The following CCL17 variants were observed in gnomAD, a reference collection of about 807,000 sequenced individuals.
CCL17 encodes the protein C-C motif chemokine ligand 17, also known as C-C motif chemokine 17.
In CCL17, 8 loss-of-function variants were observed where a neutral mutation model predicts 7.4. That is an observed-to-expected ratio of 1.09 (90% CI 0.64 to 1.96). The LOEUF (loss-of-function observed/expected upper bound fraction) is 1.96. Ranked by LOEUF, CCL17 falls within the 30% of genes most tolerant of loss-of-function variation. CCL17 has a pLI of 0.00. For synonymous variants in CCL17, 40 were observed against 46.1 expected, an observed-to-expected ratio of 0.87 and a Z score of 0.54; for missense variants, 102 against 113.0, an observed-to-expected ratio of 0.90 and a Z score of 0.44.
chr16:57,401,515 CTCTG>C (rs576006734), upstream of CCL17, among the ~76,000 whole-genome samples: 116 of 147,648 alleles, frequency 7.9e-4, no homozygotes, highest in Middle Eastern at 3.5e-3. Context: ...CAGAGCAAGA[CTCTG>C]TCTGGAAAAA....
upstream of CCL17, among the ~76,000 whole-genome samples, chr16:57,400,968 CAA>C (rs142873627): frequency 9.7e-5 from 13 of 133,784 alleles, no homozygotes; most frequent in Admixed American, 1.5e-4. Flanking sequence ...GACCCCATCT[CAA>C]AAAAAAAAAA....
At chr16:57,409,679 G>T (rs1902753934) in intron 1 of CCL17, among the ~76,000 whole-genome samples, 1 of 152,170 alleles carries the variant, frequency 6.6e-6, no homozygotes, top group Non-Finnish European at 1.5e-5. Context: ...GACTGGATGT[G>T]GGCAGTGAGG....
At chr16:57,399,132 A>G in the CCL17 span, among the ~76,000 whole-genome samples, 1 of 152,314 alleles carries the variant, frequency 6.6e-6, no homozygotes, top group South Asian at 2.1e-4. Flanking sequence ...TGAGTCTAAG[A>G]TCTTGCATCA....
intron 1 of CCL17, among the ~76,000 whole-genome samples, chr16:57,409,073 A>G (rs2146536864): frequency 6.6e-6 from 1 of 152,340 alleles, no homozygotes; most frequent in South Asian, 2.1e-4. Flanking sequence ...GTTGGAACAC[A>G]AAAGAGATCC....
At chr16:57,412,399 T>C (rs955514058) in intron 1 of CCL17, among the ~76,000 whole-genome samples, 6 of 152,190 alleles carry the variant, frequency 3.9e-5, no homozygotes. Context: ...CCTGCCCTTC[T>C]ACCTAAGGAC....
chr16:57,397,624 G>A, the CCL17 span, among the ~76,000 whole-genome samples: 1 of 152,206 alleles, frequency 6.6e-6, no homozygotes, highest in African/African-American at 2.4e-5. Flanking sequence ...CACTGCATGC[G>A]ATAACTCCAT....
upstream of CCL17, among the ~76,000 whole-genome samples, chr16:57,401,004 C>T (rs1237191551): frequency 1.3e-5 from 2 of 151,826 alleles, no homozygotes; most frequent in African/African-American, 4.8e-5. Context: ...AAGCCACGCA[C>T]TTAGTAACTA....
At chr16:57,404,637 A>G (rs1902668166), upstream of CCL17, 1 of 152,492 alleles carries the variant, frequency 6.6e-6, no homozygotes, top group Non-Finnish European at 1.5e-5. Flanking sequence ...AGTGGTTGGC[A>G]TATAGATGAT....
At chr16:57,403,427 TATATATTATAATATATATATTATATTATA>T (rs1355412414), upstream of CCL17, among the ~76,000 whole-genome samples, 468 of 18,982 alleles carry the variant, frequency 0.025, 96 homozygotes, top group African/African-American at 0.15. Context: ...TATATTATAA[TATATATTATAATATATATATTATATTATA>T]ATATATATTA....
upstream of CCL17, among the ~76,000 whole-genome samples, chr16:57,403,552 TATATATATATAATATATATTTATA>T (rs1567561148): frequency 2.4e-3 from 69 of 28,312 alleles, no homozygotes; most frequent in Non-Finnish European, 2.8e-3. Flanking sequence ...ATATATATTT[TATATATATATAATATATATTTATA>T]ATATATATAA....
intron 1 of CCL17, 62 bp from the exon 2 acceptor site, chr16:57,413,811 GA>G (rs1290864830): frequency 1.4e-6 from 1 of 696,282 alleles, no homozygotes; most frequent in East Asian, 2.8e-5. Context: ...GGAGGTGACA[GA>G]GGGGCGGGGC....
intron 1 of CCL17, among the ~76,000 whole-genome samples, chr16:57,408,814 T>C (rs562998031): frequency 1.3e-5 from 2 of 152,100 alleles, no homozygotes; most frequent in African/African-American, 4.8e-5. Context: ...GACCTTGTGA[T>C]CCGCCTGCCT....
chr16:57,399,944 C>T (rs1902568498), upstream of CCL17, among the ~76,000 whole-genome samples: 1 of 152,138 alleles, frequency 6.6e-6, no homozygotes, highest in African/African-American at 2.4e-5. Context: ...CCAAGTATTG[C>T]CAAGGAAGAC....
In CCL17 at chr16:57,415,043, C is replaced by A; in HGVS notation, c.71-38C>A. 7.4e-7 allele frequency: 1 copy of A among 1,357,878 alleles called. No individual in the cohort carries two copies. The highest frequency in any genetic ancestry group is 1.1e-6 in the Non-Finnish European group (1 of 946,830). 84.1% of individuals were successfully genotyped at this position (1,357,878 alleles called of 1,614,324 possible). On this transcript the variant is annotated intron_variant, in intron 2 of 3. Coordinates refer to ENST00000219244, the MANE Select transcript of CCL17 (RefSeq NM_002987.3). This position sits in a 1 kb window ranked among gnomAD's most constrained non-coding sequence, Gnocchi z 4.5. ...GAGGTCCCCGCAACACACACGCAGACACTCACAGACACCCCTGCCCCGCTC... is the reference window on the plus strand; with the variant it reads ...GAGGTCCCCGCAACACACACGCAGAAACTCACAGACACCCCTGCCCCGCTC...
Position 57,415,773 on chromosome 16 carries a change from CTG to C in CCL17, c.200_201del (p.Val67AlafsTer19), listed in dbSNP as rs1267308220. On this transcript the variant is annotated frameshift_variant, in exon 4 of 4. Coordinates refer to ENST00000219244, the MANE Select transcript of CCL17 (RefSeq NM_002987.3). LOFTEE classifies it low-confidence loss of function (END_TRUNC). The surrounding 1 kb of genome is among the most constrained non-coding windows in gnomAD (Gnocchi z 4.5). ...GTCCTCCTTCTGTGTAGTTTTGTAA[CTG>C]TGCAGGGCAGGGCCATCTGTTCGGA... 5 of 1,609,480 alleles carry C rather than the reference CTG, an allele frequency of 3.1e-6. No homozygotes were observed. The highest frequency in any genetic ancestry group is 3.3e-5 in the Admixed American group (2 of 59,990).
chr16:57,413,392 T>G (rs1902816492), intron 1 of CCL17, among the ~76,000 whole-genome samples: 1 of 151,310 alleles, frequency 6.6e-6, no homozygotes, highest in African/African-American at 2.4e-5. Context: ...TGAAGCTCAC[T>G]CATGGTCCAG....
chr16:57,412,486 C>T (rs1045596899), intron 1 of CCL17, among the ~76,000 whole-genome samples: 7 of 152,170 alleles, frequency 4.6e-5, no homozygotes, highest in African/African-American at 1.7e-4. Context: ...AAACAAGAAA[C>T]AAAAATCTCA....
At chr16:57,404,866 C>T (rs530762430) in intron 1 of CCL17, 30 bp downstream of exon 1, 2 of 154,468 alleles carry the variant, frequency 1.3e-5, no homozygotes, top group African/African-American at 4.8e-5. Context: ...TTGCTCCTAA[C>T]CCCTCCACTG....
At chr16:57,413,349 T>C (rs1357862190) in intron 1 of CCL17, among the ~76,000 whole-genome samples, 1 of 151,846 alleles carries the variant, frequency 6.6e-6, no homozygotes. Context: ...CATGTGCCCA[T>C]GCCCGGCAGC....
Sources: allele counts gnomAD v4.1 joint callset (sites outside exome capture counted in the v4.1 genomes callset), GRCh38; gene constraint gnomAD v4.1.1; non-coding constraint Gnocchi (gnomAD v3.1); transcripts MANE v1.5; gene names NCBI Gene and HGNC (gene_info 2026-07-23, HGNC 2026-07-21).